The following CYP3A4 variants were observed in gnomAD, a reference collection of about 807,000 sequenced individuals.
CYP3A4 encodes the protein cytochrome P450 3A4.
Under a neutral mutation model 54.9 loss-of-function variants are expected in CYP3A4, and 41 were observed. The ratio of observed to expected loss-of-function variants is 0.75; its 90% CI spans 0.58 to 0.97. The LOEUF (loss-of-function observed/expected upper bound fraction) is 0.97. Ranked by LOEUF, CYP3A4 falls within the 50% of genes least tolerant of loss-of-function variation. CYP3A4 has a pLI of 0.00. For synonymous variants in CYP3A4, 179 were observed against 205.2 expected, an observed-to-expected ratio of 0.87 and a Z score of 1.09; for missense variants, 510 against 597.3, an observed-to-expected ratio of 0.85 and a Z score of 1.52.
chr7:99,769,302 G>A (rs1051214996), intron 6 of CYP3A4, among the ~76,000 whole-genome samples: 1 of 151,974 alleles, frequency 6.6e-6, no homozygotes. Context: ...GAAATGGTAG[G>A]AATTTTAATA....
chr7:99,782,100 C>T (rs1815940495), intron 1 of CYP3A4, among the ~76,000 whole-genome samples: 1 of 152,242 alleles, frequency 6.6e-6, no homozygotes, highest in Non-Finnish European at 1.5e-5. Context: ...TTTTCCCACT[C>T]CTGTTCCTTC....
At chr7:99,779,649 C>A (rs1584550278) in intron 2 of CYP3A4, among the ~76,000 whole-genome samples, 1 of 151,962 alleles carries the variant, frequency 6.6e-6, no homozygotes, top group East Asian at 1.9e-4. Context: ...CCTTTTCCTA[C>A]TTTTAATACT....
chr7:99,768,315 G>A (rs1815526845), intron 7 of CYP3A4, 39 bp downstream of exon 7: 3 of 1,588,458 alleles, frequency 1.9e-6, no homozygotes, highest in South Asian at 2.2e-5. Context: ...TTATTTTTAA[G>A]AGAGCAAGAT....
At chr7:99,775,678 T>C (rs1002708404) in intron 3 of CYP3A4, among the ~76,000 whole-genome samples, 1 of 152,166 alleles carries the variant, frequency 6.6e-6, no homozygotes, top group Non-Finnish European at 1.5e-5. Context: ...TTACACCTTA[T>C]ACAAAAATTA....
At position 99,781,846 on chromosome 7, in the gene CYP3A4, TA is replaced by T. The variant is rs570196080; in HGVS notation, c.72-1762del. Among the ~76,000 whole-genome samples the T allele has an allele frequency of 1.1e-3, 172 of 152,372 alleles. 1 individual carries two copies. The highest frequency in any genetic ancestry group is 9.9e-3 in the Admixed American group (151 of 15,306). ...CATAAAATGTTCCAGACAGTTGAATTAAAACCTTGTTTTCTCTTCTTTAAAG... is the reference window on the plus strand; with the variant it reads ...CATAAAATGTTCCAGACAGTTGAATTAAACCTTGTTTTCTCTTCTTTAAAG... On this transcript the variant is annotated intron_variant, in intron 1 of 12. Transcript: ENST00000651514.
chr7:99,779,662 C>CT (rs904546049), intron 2 of CYP3A4, among the ~76,000 whole-genome samples: 1 of 152,168 alleles, frequency 6.6e-6, no homozygotes, highest in Non-Finnish European at 1.5e-5. Context: ...TTAATACTAA[C>CT]TAAGTATGAC....
At chr7:99,783,905 G>C (rs866406770) in intron 1 of CYP3A4, 106 bp downstream of exon 1, 1 of 1,334,258 alleles carries the variant, frequency 7.5e-7, no homozygotes, top group Non-Finnish European at 1.1e-6. Context: ...CACCACGCCC[G>C]GCCTGAACAT....
intron 12 of CYP3A4, 51 bp from the exon 13 acceptor site, chr7:99,758,279 A>T: frequency 1.9e-6 from 3 of 1,581,288 alleles, no homozygotes; most frequent in Non-Finnish European, 1.7e-6. Flanking sequence ...ACAAAAGTAG[A>T]AAGTATAGCA....
At chr7:99,781,496 C>T (rs1173258061) in intron 1 of CYP3A4, among the ~76,000 whole-genome samples, 1 of 152,154 alleles carries the variant, frequency 6.6e-6, no homozygotes, top group East Asian at 1.9e-4. Flanking sequence ...TGCAACTCAT[C>T]TTTGATGGGT....
intron 4 of CYP3A4, among the ~76,000 whole-genome samples, chr7:99,770,736 A>C (rs1248492719): frequency 6.6e-6 from 1 of 152,180 alleles, no homozygotes; most frequent in Non-Finnish European, 1.5e-5. Flanking sequence ...TACCTTTAAA[A>C]CTAGGAACAT....
At chr7:99,759,697 A>T (rs1815267871) in intron 12 of CYP3A4, among the ~76,000 whole-genome samples, 1 of 152,236 alleles carries the variant, frequency 6.6e-6, no homozygotes, top group African/African-American at 2.4e-5. Context: ...AAATTGTCAA[A>T]TTTATGATAA....
At position 99,772,689 on chromosome 7, in the gene CYP3A4, G is replaced by C. The variant is rs781336542; in HGVS notation, c.219C>G (p.Gly73=). Residue 73 remains glycine (G), a splice_region_variant and synonymous_variant, in exon 4 of 13, where the codon GGC becomes GGG. Coordinates refer to ENST00000651514, the MANE Select transcript of CYP3A4 (RefSeq NM_017460.6). ...ECHKKYGKVW[G]FYDGQQPVLA... ...GCACAGGCTGTTGACCATCATAAAAGCTGTGTGAAAAAAACAGAGTTGATT... is the reference window on the plus strand; with the variant it reads ...GCACAGGCTGTTGACCATCATAAAACCTGTGTGAAAAAAACAGAGTTGATT... 6.2e-7 allele frequency: 1 copy of C among 1,612,692 alleles called. No homozygotes were observed. The highest frequency in any genetic ancestry group is 8.5e-7 in the Non-Finnish European group (1 of 1,179,194).
At chr7:99,772,268 C>T (rs1407222618) in intron 4 of CYP3A4, among the ~76,000 whole-genome samples, 2 of 151,956 alleles carry the variant, frequency 1.3e-5, no homozygotes, top group African/African-American at 4.8e-5. Flanking sequence ...ATGGGTTCTG[C>T]GTTTTGATCA....
Position 99,784,046 on chromosome 7 carries a change from C to G in CYP3A4, c.36G>C (p.Trp12Cys), listed in dbSNP as rs1178534862. The G allele has an allele frequency of 1.2e-6, 2 of 1,614,040 alleles. No homozygotes were observed. The highest frequency in any genetic ancestry group is 2.2e-5 in the South Asian group (2 of 91,080). ...GCACCAGGCTGACAGCCAGGAGAAG[C>G]CAGGTTTCCATGGCCAAGTCTGGGA... is the stretch of plus-strand genomic sequence containing the variant. The part of the protein sequence containing the change: ...ALIPDLAMET[W>C]LLLAVSLVLL... Residue 12 changes from tryptophan to cysteine, a missense_variant, in exon 1 of 13, where the codon TGG becomes TGC. Trp to Cys is a radical substitution (Grantham distance 215). Coordinates refer to ENST00000651514, the MANE Select transcript of CYP3A4 (RefSeq NM_017460.6).
intron 12 of CYP3A4, among the ~76,000 whole-genome samples, chr7:99,760,235 T>C (rs945630474): frequency 6.6e-6 from 1 of 152,210 alleles, no homozygotes; most frequent in African/African-American, 2.4e-5. Flanking sequence ...CCTTGGACTG[T>C]GGTAGTCCTT....
chr7:99,778,106 T>A (rs1347102426), intron 2 of CYP3A4, 26 bp from the exon 3 acceptor site: 13 of 1,564,866 alleles, frequency 8.3e-6, no homozygotes, highest in Admixed American at 5.0e-5. Context: ...AAATAATATT[T>A]GATTATTATT....
At position 99,757,973 on chromosome 7, in the gene CYP3A4, TGA is replaced by T; in HGVS notation, c.*158_*159del. 1.6e-6 allele frequency: 1 copy of T among 630,048 alleles called. No homozygotes were observed. Among genetic ancestry groups the T allele is most frequent in the Non-Finnish European group, 2.8e-6 (1 of 355,436 alleles). The allele number at this position is 630,048 out of a possible 1,614,324, so 39.0% of individuals were successfully genotyped here. A position where few individuals can be genotyped will look rare whatever the true frequency, so the allele number is the denominator to read the frequency against. On this transcript the variant is annotated 3_prime_UTR_variant, in exon 13 of 13. Transcript: ENST00000651514. ...CAAGTATAACACTCTACACAGACAATGAGAGAGCTCAATGCATGTACAGAATC... is the reference window on the plus strand; with the variant it reads ...CAAGTATAACACTCTACACAGACAATGAGAGCTCAATGCATGTACAGAATC...
chr7:99,771,854 A>T (rs557305684), intron 4 of CYP3A4, among the ~76,000 whole-genome samples: 1 of 152,200 alleles, frequency 6.6e-6, no homozygotes, highest in African/African-American at 2.4e-5. Flanking sequence ...CTTTCCAAAA[A>T]TGGCGTTGGA....
chr7:99,769,977 T>C, intron 5 of CYP3A4, 121 bp from the exon 6 acceptor site: 1 of 1,569,550 alleles, frequency 6.4e-7, no homozygotes. Context: ...TGATGTGTTT[T>C]CTGTACATAA....
Sources: allele counts gnomAD v4.1 joint callset (sites outside exome capture counted in the v4.1 genomes callset), GRCh38; gene constraint gnomAD v4.1.1; transcripts MANE v1.5; gene names NCBI Gene and HGNC (gene_info 2026-07-23, HGNC 2026-07-21).